Variants in ATXN1 observed in about 807,000 individuals in gnomAD.
The protein encoded by ATXN1 is ataxin-1.
In ATXN1, 8 loss-of-function variants were observed where a neutral mutation model predicts 56.4. The observed-to-expected ratio is 0.14, with a 90% CI of 0.08 to 0.26. The LOEUF is 0.26. ATXN1 is among the 10% of genes least tolerant of loss of function. ATXN1 has a pLI of 1.00. For missense variants in ATXN1, 987 were observed against 1,106.5 expected (o/e 0.89, Z 1.53); for synonymous variants, 514 against 494.6 (o/e 1.04, Z -0.52).
chr6:16,690,341 C>G (rs1759019885), intron 2 of ATXN1, among the ~76,000 whole-genome samples: 1 of 151,836 alleles, frequency 6.6e-6, no homozygotes, highest in Admixed American at 6.6e-5. Flanking sequence ...TCCTTCAAGT[C>G]TACTTGGCCC....
chr6:16,520,606 C>G (rs936340371), intron 5 of ATXN1, among the ~76,000 whole-genome samples: 1 of 152,190 alleles, frequency 6.6e-6, no homozygotes, highest in African/African-American at 2.4e-5. Flanking sequence ...TAATTGCCCC[C>G]TTCTTTTAGT....
At chr6:16,387,127 C>A (rs1758257861) in intron 6 of ATXN1, among the ~76,000 whole-genome samples, 2 of 152,320 alleles carry the variant, frequency 1.3e-5, no homozygotes, top group South Asian at 4.1e-4. Flanking sequence ...CACAAGGGAT[C>A]AAGCAAATCT....
rs971855668 is a variant in ATXN1, at chr6:16,386,929, C to T, written c.-160-58459G>A. 7.2e-5 allele frequency among the ~76,000 whole-genome samples: 11 copies of T among 152,274 alleles called. No homozygotes were observed. In the East Asian group the frequency reaches 1.7e-3, roughly 24 times the overall value. On this transcript the variant is annotated intron_variant, in intron 6 of 7. Transcript: ENST00000436367. ...TCAAGCAATCTGCCTGCCTCAGCCTCCCAAAGTGCTAGGATTACAGGCGTG... is the reference window on the plus strand; with the variant it reads ...TCAAGCAATCTGCCTGCCTCAGCCTTCCAAAGTGCTAGGATTACAGGCGTG...
At chr6:16,471,862 G>A (rs1228245343) in intron 6 of ATXN1, among the ~76,000 whole-genome samples, 1 of 152,184 alleles carries the variant, frequency 6.6e-6, no homozygotes, top group Non-Finnish European at 1.5e-5. Context: ...ATCAATCTCC[G>A]CACCATCTGT....
intron 2 of ATXN1, among the ~76,000 whole-genome samples, chr6:16,704,338 C>G (rs1186314660): frequency 6.6e-6 from 1 of 152,120 alleles, no homozygotes; most frequent in African/African-American, 2.4e-5. Flanking sequence ...CCTTTCCCCC[C>G]AAGATTGACT....
At chr6:16,646,051 T>A in intron 3 of ATXN1, among the ~76,000 whole-genome samples, 1 of 151,562 alleles carries the variant, frequency 6.6e-6, no homozygotes, top group Non-Finnish European at 1.5e-5. Flanking sequence ...AGAATCCATC[T>A]CTACAAAAAA....
intron 6 of ATXN1, among the ~76,000 whole-genome samples, chr6:16,386,365 G>A (rs1290500886): frequency 6.6e-6 from 1 of 152,154 alleles, no homozygotes; most frequent in Non-Finnish European, 1.5e-5. Flanking sequence ...ATAAAAAAAT[G>A]GGGAGTTCAG....
chr6:16,364,877 C>T (rs995143481), intron 6 of ATXN1, among the ~76,000 whole-genome samples: 5 of 152,178 alleles, frequency 3.3e-5, no homozygotes, highest in Admixed American at 6.5e-5. Flanking sequence ...TGCCTTGTCT[C>T]CTTCAAGGAG....
intron 3 of ATXN1, among the ~76,000 whole-genome samples, chr6:16,598,340 ATGT>A (rs1762852801): frequency 1.3e-5 from 2 of 152,182 alleles, no homozygotes; most frequent in African/African-American, 4.8e-5. Flanking sequence ...TTGTTTAAAG[ATGT>A]TTTCTCTTTT....
intron 4 of ATXN1, among the ~76,000 whole-genome samples, chr6:16,569,246 T>C (rs1762286518): frequency 6.6e-6 from 1 of 152,174 alleles, no homozygotes; most frequent in Admixed American, 6.5e-5. Context: ...CCTGGCGTGG[T>C]GGTGGCTCAC....
At chr6:16,603,923 G>A (rs1258953328) in intron 3 of ATXN1, among the ~76,000 whole-genome samples, 1 of 152,148 alleles carries the variant, frequency 6.6e-6, no homozygotes, top group Non-Finnish European at 1.5e-5. Context: ...ACTGGCATGA[G>A]GGTGTGGGGA....
intron 5 of ATXN1, among the ~76,000 whole-genome samples, chr6:16,511,933 T>C (rs186349545): frequency 1.7e-4 from 26 of 152,320 alleles, no homozygotes; most frequent in Middle Eastern, 3.4e-3. Context: ...TCCAGGTAGC[T>C]TGGCTTCCTT....
intron 6 of ATXN1, among the ~76,000 whole-genome samples, chr6:16,468,660 C>G (rs1438484395): frequency 6.6e-6 from 1 of 152,100 alleles, no homozygotes; most frequent in Non-Finnish European, 1.5e-5. Flanking sequence ...AGTTACAAAT[C>G]AATGCAAAGC....
In ATXN1 at chr6:16,369,413, C is replaced by A. The variant is rs1221631031; in HGVS notation, c.-160-40943G>T. 2.6e-5 allele frequency among the ~76,000 whole-genome samples: 4 copies of A among 152,198 alleles called. No individual in the cohort carries two copies. The East Asian group carries it at 7.7e-4, about 29-fold the overall frequency. On this transcript the variant is annotated intron_variant, in intron 6 of 7. Transcript: ENST00000436367. ...GAGGTTCTTCCTTTGGGCCTTCCCT[C>A]ACGGTTATGGCCCAAAAAGCTAGAA...
intron 6 of ATXN1, among the ~76,000 whole-genome samples, chr6:16,471,773 G>A (rs902823923): frequency 6.6e-6 from 1 of 152,000 alleles, no homozygotes; most frequent in African/African-American, 2.4e-5. Flanking sequence ...GAGAAGGTTG[G>A]AAGAGCAACA....
intron 2 of ATXN1, among the ~76,000 whole-genome samples, chr6:16,659,395 AGAG>A (rs891251335): frequency 2.0e-5 from 3 of 152,212 alleles, no homozygotes; most frequent in Middle Eastern, 3.2e-3. Flanking sequence ...GAATTTGGAG[AGAG>A]GAGGAGGATT....
chr6:16,369,136 T>C (rs1020942438), intron 6 of ATXN1, among the ~76,000 whole-genome samples: 2 of 152,222 alleles, frequency 1.3e-5, no homozygotes, highest in African/African-American at 4.8e-5. Context: ...GCACTAGCCA[T>C]TAAAAATAGA....
rs1464642290 is a variant in ATXN1 at position 16,550,153 on chromosome 6, TAC to T, written c.-360-27467_-360-27466del. Among the ~76,000 whole-genome samples the T allele has an allele frequency of 2.0e-3, 67 of 34,194 alleles. 1 individual carries two copies. The highest frequency in any genetic ancestry group is 5.7e-3 in the African/African-American group (64 of 11,186). The allele number at this position is 34,194 out of a possible 152,430, so 22.4% of individuals were successfully genotyped here. ...CTTAAAGTAAAATAAATAAATAAAA[TAC>T]AAAAAAAAAAAAAAAAAAAGAATAG... On this transcript the variant is annotated intron_variant, in intron 4 of 7. Coordinates refer to ENST00000436367, the MANE Select transcript of ATXN1 (RefSeq NM_001128164.2).
At chr6:16,330,393 T>C (rs1287785628) in intron 6 of ATXN1, among the ~76,000 whole-genome samples, 1 of 131,398 alleles carries the variant, frequency 7.6e-6, no homozygotes, top group Non-Finnish European at 1.6e-5. Flanking sequence ...TTCCTTCCTT[T>C]TTTTTTTTTT....
Sources: allele counts gnomAD v4.1 joint callset (sites outside exome capture counted in the v4.1 genomes callset), GRCh38; gene constraint gnomAD v4.1.1; transcripts MANE v1.5; gene names NCBI Gene and HGNC (gene_info 2026-07-23, HGNC 2026-07-21).